The following LMBRD1 variants were observed in gnomAD, a reference collection of about 807,000 sequenced individuals.
LMBRD1 encodes the protein lysosomal cobalamin transport escort protein LMBD1.
LMBRD1 carries 64 observed loss-of-function variants against 74.8 expected under a neutral mutation model. The ratio of observed to expected loss-of-function variants is 0.86; its 90% CI spans 0.70 to 1.05. The LOEUF is 1.05. Ranked by LOEUF, LMBRD1 falls within the 50% of genes least tolerant of loss-of-function variation. The pLI, the probability that LMBRD1 is intolerant of heterozygous loss-of-function variation, is 0.00. For missense variants in LMBRD1, 652 were observed against 645.9 expected (o/e 1.01, Z -0.10); for synonymous variants, 204 against 216.3 (o/e 0.94, Z 0.50).
chr6:69,684,808 G>A (rs926132463), intron 14 of LMBRD1, among the ~76,000 whole-genome samples: 1 of 152,082 alleles, frequency 6.6e-6, no homozygotes, highest in Non-Finnish European at 1.5e-5. Flanking sequence ...TAGGTTCCCA[G>A]AAGGAAGTTT....
At chr6:69,736,602 T>G (rs897213286) in intron 7 of LMBRD1, among the ~76,000 whole-genome samples, 38 of 152,188 alleles carry the variant, frequency 2.5e-4, no homozygotes, top group African/African-American at 8.0e-4. Context: ...TCTCTCTATT[T>G]TTTTCTCCTG....
At chr6:69,758,121 C>G (rs960476273) in intron 3 of LMBRD1, among the ~76,000 whole-genome samples, 1 of 152,072 alleles carries the variant, frequency 6.6e-6, no homozygotes, top group Non-Finnish European at 1.5e-5. Context: ...TTAAAAGCCA[C>G]GTATCATTAA....
At position 69,676,062 on chromosome 6, in the gene LMBRD1, G is replaced by A; in HGVS notation, c.*96C>T. The A allele has an allele frequency of 1.1e-6, 1 of 943,642 alleles. No homozygotes were observed. Among genetic ancestry groups the A allele is most frequent in the African/African-American group, 1.6e-5 (1 of 61,164 alleles). 58.5% of individuals were successfully genotyped at this position (943,642 alleles called of 1,614,324 possible). A position where few individuals can be genotyped will look rare whatever the true frequency, so the allele number is the denominator to read the frequency against. On this transcript the variant is annotated 3_prime_UTR_variant, in exon 16 of 16. Transcript: ENST00000649934. ...TTATAGCCATGCTCCCATTTTTGAT[G>A]AAAGCTAGTTAGCAAATCCTAATGT...
chr6:69,747,947 G>T (rs548103450), intron 5 of LMBRD1, among the ~76,000 whole-genome samples: 2 of 152,140 alleles, frequency 1.3e-5, no homozygotes, highest in Admixed American at 6.5e-5. Context: ...AAATATTTAC[G>T]TATGATAATG....
Position 69,687,140 on chromosome 6 carries a change from C to T in LMBRD1, c.1417+10423G>A, listed in dbSNP as rs577293129. Among the ~76,000 whole-genome samples, 3 of 152,210 alleles carry T rather than the reference C, an allele frequency of 2.0e-5. No individual in the cohort carries two copies. The South Asian group carries it at 6.2e-4, about 32-fold the overall frequency. On this transcript the variant is annotated intron_variant, in intron 14 of 15. Transcript: ENST00000649934. ...TCCTTAAAATTATCTGCTTGCTATT[C>T]CTCTACCTCCTCAAGCATACTCCTG...
In LMBRD1 at chr6:69,784,511, G is replaced by C. The variant is rs1197638679; in HGVS notation, c.247-3957C>G. On this transcript the variant is annotated intron_variant, in intron 2 of 15. Coordinates refer to ENST00000649934, the MANE Select transcript of LMBRD1 (RefSeq NM_018368.4). ...TCCGGAGACATGGTGGACAGAGTCA[G>C]TATACTACAGGAATCTAGGAGGTAA... Among the ~76,000 whole-genome samples, 4 of 152,310 alleles carry C rather than the reference G, an allele frequency of 2.6e-5. No homozygotes were observed. In the East Asian group the frequency reaches 7.7e-4, roughly 29 times the overall value.
chr6:69,681,632 T>C (rs12526190), intron 14 of LMBRD1, among the ~76,000 whole-genome samples: 68 of 152,062 alleles, frequency 4.5e-4, no homozygotes, highest in African/African-American at 1.6e-3. Context: ...TGTATATATA[T>C]AGAAGACATT....
At chr6:69,679,001 C>T (rs1357178193) in intron 14 of LMBRD1, among the ~76,000 whole-genome samples, 1 of 151,004 alleles carries the variant, frequency 6.6e-6, no homozygotes, top group African/African-American at 2.4e-5. Flanking sequence ...TTCTGAATTG[C>T]TCAATACCAA....
At chr6:69,704,363 G>T (rs542174260) in intron 9 of LMBRD1, among the ~76,000 whole-genome samples, 1 of 151,902 alleles carries the variant, frequency 6.6e-6, no homozygotes, top group African/African-American at 2.4e-5. Flanking sequence ...TTCTACTGTA[G>T]GGAAGAGGTT....
chr6:69,717,670 C>G (rs928975204), intron 8 of LMBRD1, among the ~76,000 whole-genome samples: 3 of 152,040 alleles, frequency 2.0e-5, no homozygotes, highest in Admixed American at 6.6e-5. Context: ...CTTATTATAG[C>G]ACAGGTTTTG....
chr6:69,793,891 T>C (rs1766148931), intron 1 of LMBRD1, among the ~76,000 whole-genome samples: 2 of 151,976 alleles, frequency 1.3e-5, no homozygotes, highest in African/African-American at 2.4e-5. Context: ...GGCTAATTTT[T>C]TGTATTTTTA....
At chr6:69,721,324 C>T (rs1766610222) in intron 7 of LMBRD1, among the ~76,000 whole-genome samples, 1 of 152,310 alleles carries the variant, frequency 6.6e-6, no homozygotes, top group African/African-American at 2.4e-5. Context: ...ACAAAGGTGA[C>T]TCTTTCCTTT....
chr6:69,752,193 C>A, intron 4 of LMBRD1, 66 bp downstream of exon 4: 1 of 1,501,486 alleles, frequency 6.7e-7, no homozygotes, highest in South Asian at 1.2e-5. Context: ...GTCATTCATT[C>A]TCTGAAAAAG....
intron 14 of LMBRD1, among the ~76,000 whole-genome samples, chr6:69,681,871 A>G (rs1213779910): frequency 5.9e-5 from 9 of 151,884 alleles, no homozygotes; most frequent in Non-Finnish European, 1.5e-5. Context: ...TTATTGTGAT[A>G]TGATTTGAAA....
intron 5 of LMBRD1, among the ~76,000 whole-genome samples, chr6:69,748,806 A>G (rs1765052418): frequency 6.6e-6 from 1 of 152,126 alleles, no homozygotes; most frequent in South Asian, 2.1e-4. Context: ...AGAAGAATTA[A>G]GAAAGGGAAT....
intron 9 of LMBRD1, among the ~76,000 whole-genome samples, chr6:69,704,131 G>A (rs1245437061): frequency 6.6e-6 from 1 of 151,938 alleles, no homozygotes; most frequent in African/African-American, 2.4e-5. Context: ...GTAGTAAGGT[G>A]GTTTCAGTCA....
At chr6:69,733,464 T>C (rs1766905995) in intron 7 of LMBRD1, among the ~76,000 whole-genome samples, 3 of 152,208 alleles carry the variant, frequency 2.0e-5, no homozygotes, top group African/African-American at 7.2e-5. Context: ...CACTGAATTT[T>C]TACTAAAATT....
In LMBRD1 at chr6:69,701,423, ATGAT is replaced by A; in HGVS notation, c.1083+16_1083+19del. Reference sequence around the variant, plus strand: ...TATACTCTAGCAGCTACAGTATAAAATGATTGATATTTTACTTACTGTTTGTAGT... The same window carrying A: ...TATACTCTAGCAGCTACAGTATAAAATGATATTTTACTTACTGTTTGTAGT... On this transcript the variant is annotated intron_variant, in intron 11 of 15. Coordinates refer to ENST00000649934, the MANE Select transcript of LMBRD1 (RefSeq NM_018368.4). 2.2e-6 allele frequency: 3 copies of A among 1,344,160 alleles called. No homozygotes were observed. Among genetic ancestry groups the A allele is most frequent in the Non-Finnish European group, 3.2e-6 (3 of 937,008 alleles). 83.3% of individuals were successfully genotyped at this position (1,344,160 alleles called of 1,614,324 possible).
At chr6:69,735,554 T>C (rs1432234880) in intron 7 of LMBRD1, among the ~76,000 whole-genome samples, 3 of 152,320 alleles carry the variant, frequency 2.0e-5, no homozygotes, top group African/African-American at 7.2e-5. Context: ...GTTTAATTGA[T>C]TTAAATAATT....
Sources: gnomAD v4.1 joint callset for allele counts (sites outside exome capture counted in the v4.1 genomes callset) on GRCh38, gnomAD v4.1.1 for gene constraint, MANE v1.5 for transcripts, NCBI Gene and HGNC (gene_info 2026-07-23, HGNC 2026-07-21) for gene names.